Variants in TMC1 observed in about 807,000 individuals in gnomAD.
TMC1 encodes the protein transmembrane channel-like protein 1.
In TMC1, 84 loss-of-function variants were observed where a neutral mutation model predicts 105.8. The ratio of observed to expected loss-of-function variants is 0.79; its 90% CI spans 0.67 to 0.95. The LOEUF is 0.95. Among genes scored for constraint, TMC1 ranks in the 40% least tolerant of loss-of-function variants. TMC1 has a pLI of 0.00. For synonymous variants in TMC1, 315 were observed against 311.5 expected (o/e 1.01, Z -0.12); for missense variants, 817 against 914.1 (o/e 0.89, Z 1.37).
intron 1 of TMC1, among the ~76,000 whole-genome samples, chr9:72,555,829 C>T (rs1172432756): frequency 1.3e-5 from 2 of 150,934 alleles, no homozygotes; most frequent in African/African-American, 2.4e-5. Context: ...CACCATATTC[C>T]CCAGGCTGGT....
intron 1 of TMC1, among the ~76,000 whole-genome samples, chr9:72,524,594 T>G (rs757313363): frequency 6.6e-5 from 10 of 152,238 alleles, no homozygotes; most frequent in Non-Finnish European, 1.5e-4. Flanking sequence ...TATCTTATCC[T>G]TGACCCAGTA....
At chr9:72,741,110 C>CT (rs11361430) in intron 9 of TMC1, 15,632 of 151,116 alleles carry the variant, frequency 0.1, 868 homozygotes, top group Non-Finnish European at 0.14. Flanking sequence ...TATGAGTAAT[C>CT]TTTTTTTTTT....
chr9:72,532,121 G>A (rs1306482372), intron 1 of TMC1, among the ~76,000 whole-genome samples: 3 of 151,930 alleles, frequency 2.0e-5, no homozygotes, highest in African/African-American at 4.8e-5. Flanking sequence ...AGTAGAGATG[G>A]AGTTTCACCA....
chr9:72,646,210 A>T (rs1825708702), intron 4 of TMC1, among the ~76,000 whole-genome samples: 2 of 152,172 alleles, frequency 1.3e-5, no homozygotes, highest in South Asian at 4.1e-4. Flanking sequence ...TTGTTATTCT[A>T]TTATGAACAG....
chr9:72,750,276 G>A (rs191033570), intron 10 of TMC1, among the ~76,000 whole-genome samples: 201 of 152,312 alleles, frequency 1.3e-3, no homozygotes, highest in Middle Eastern at 3.4e-3. Flanking sequence ...GAAGGCTCCA[G>A]AAAATCATTG....
intron 6 of TMC1, among the ~76,000 whole-genome samples, chr9:72,691,736 C>T (rs1826469890): frequency 6.6e-6 from 1 of 151,990 alleles, no homozygotes; most frequent in African/African-American, 2.4e-5. Flanking sequence ...CTGTCCATGC[C>T]CTGAGACTGG....
chr9:72,717,885 T>A (rs764146563), intron 8 of TMC1, among the ~76,000 whole-genome samples: 4 of 152,178 alleles, frequency 2.6e-5, no homozygotes, highest in Non-Finnish European at 4.4e-5. Flanking sequence ...CCCCCAAATA[T>A]GTTTTCCAAA....
chr9:72,836,028 T>A lies in TMC1; in HGVS notation c.*55T>A, dbSNP rs779419424. 10 of 1,567,418 alleles carry A rather than the reference T, an allele frequency of 6.4e-6. No homozygotes were observed. The highest frequency in any genetic ancestry group is 8.7e-6 in the Non-Finnish European group (10 of 1,147,550). ...ACTTTGCCTTGCTGTTTAAAAGTAATGCAATATGTGAACGCCCAGAGAACA... is the reference window on the plus strand; with the variant it reads ...ACTTTGCCTTGCTGTTTAAAAGTAAAGCAATATGTGAACGCCCAGAGAACA... On this transcript the variant is annotated 3_prime_UTR_variant, in exon 24 of 24. Transcript: ENST00000297784.
chr9:72,607,965 C>T (rs1042661489), intron 2 of TMC1: 2 of 152,060 alleles, frequency 1.3e-5, no homozygotes, highest in African/African-American at 4.8e-5. Context: ...ATGATTTGGA[C>T]TTCATTGTGT....
At chr9:72,571,860 G>A (rs1824291697) in intron 1 of TMC1, among the ~76,000 whole-genome samples, 1 of 144,536 alleles carries the variant, frequency 6.9e-6, no homozygotes, top group Admixed American at 6.9e-5. Context: ...TTTTTTGATG[G>A]AGTTTCCCTC....
At chr9:72,604,546 A>G (rs1824877321) in intron 2 of TMC1, among the ~76,000 whole-genome samples, 1 of 152,170 alleles carries the variant, frequency 6.6e-6, no homozygotes, top group African/African-American at 2.4e-5. Context: ...ACTTACCACC[A>G]TCCGGCATGT....
At chr9:72,571,181 G>A (rs62560378) in intron 1 of TMC1, among the ~76,000 whole-genome samples, 1,799 of 150,700 alleles carry the variant, frequency 0.012, 20 homozygotes, top group Non-Finnish European at 0.017. Context: ...AAATTAGCCG[G>A]GCATGGTGGC....
intron 13 of TMC1, among the ~76,000 whole-genome samples, chr9:72,778,679 C>G (rs1205611939): frequency 6.6e-6 from 1 of 152,164 alleles, no homozygotes; most frequent in Non-Finnish European, 1.5e-5. Flanking sequence ...ACTGTCAGAC[C>G]AATACAGAGC....
At chr9:72,559,056 A>G (rs1005518817) in intron 1 of TMC1, among the ~76,000 whole-genome samples, 1 of 152,122 alleles carries the variant, frequency 6.6e-6, no homozygotes, top group African/African-American at 2.4e-5. Flanking sequence ...TTGAACTCAA[A>G]TGAACACATT....
intron 13 of TMC1, among the ~76,000 whole-genome samples, chr9:72,778,552 G>A (rs1490216999): frequency 2.0e-5 from 3 of 152,202 alleles, no homozygotes; most frequent in Non-Finnish European, 4.4e-5. Flanking sequence ...ACAGGGACAG[G>A]ACTGCAGACT....
At chr9:72,803,377 C>A (rs914869795) in intron 17 of TMC1, among the ~76,000 whole-genome samples, 1 of 152,070 alleles carries the variant, frequency 6.6e-6, no homozygotes, top group African/African-American at 2.4e-5. Flanking sequence ...CAAAAATTGA[C>A]AAATGGGAAC....
chr9:72,674,926 G>C (rs919986480), intron 5 of TMC1, among the ~76,000 whole-genome samples: 3 of 152,160 alleles, frequency 2.0e-5, no homozygotes, highest in Non-Finnish European at 2.9e-5. Context: ...GATGATAATT[G>C]TGTTTTAGGG....
At chr9:72,782,210 C>T (rs1246938316) in intron 13 of TMC1, among the ~76,000 whole-genome samples, 1 of 152,124 alleles carries the variant, frequency 6.6e-6, no homozygotes, top group East Asian at 1.9e-4. Flanking sequence ...AAAACAGAAA[C>T]TACGTGATCA....
chr9:72,689,126 G>C (rs116863523), intron 6 of TMC1, among the ~76,000 whole-genome samples: 1 of 152,126 alleles, frequency 6.6e-6, no homozygotes, highest in African/African-American at 2.4e-5. Context: ...AGTGTGGATA[G>C]CAGTGTAGAA....
Sources: gnomAD v4.1 joint callset for allele counts (sites outside exome capture counted in the v4.1 genomes callset) on GRCh38, gnomAD v4.1.1 for gene constraint, MANE v1.5 for transcripts, NCBI Gene and HGNC (gene_info 2026-07-23, HGNC 2026-07-21) for gene names.